MAGI3: variants seen among roughly 807,000 people sequenced by gnomAD.
MAGI3 encodes membrane-associated guanylate kinase, WW and PDZ domain-containing protein 3.
A neutral mutation model predicts 121.8 loss-of-function variants in MAGI3; 43 were observed. The observed-to-expected ratio is 0.35, with a 90% CI of 0.28 to 0.46. The LOEUF (loss-of-function observed/expected upper bound fraction) is 0.46. Ranked by LOEUF, MAGI3 falls within the 20% of genes least tolerant of loss-of-function variation. MAGI3 has a pLI of 1.00. For synonymous variants in MAGI3, 553 were observed against 639.3 expected, an observed-to-expected ratio of 0.86 and a Z score of 2.04; for missense variants, 1,547 against 1,797.3, an observed-to-expected ratio of 0.86 and a Z score of 2.52.
intron 10 of MAGI3, 33 bp downstream of exon 10, chr1:113,642,549 G>A: frequency 6.4e-7 from 1 of 1,573,674 alleles, no homozygotes; most frequent in Non-Finnish European, 8.6e-7. Flanking sequence ...AAAAGTTTCA[G>A]TGTTCAAGCG....
chr1:113,391,192 C>T lies in MAGI3; in HGVS notation c.159C>T (p.Gly53=), dbSNP rs182574963. ...TGGGGCGGCTCCGCGAGGAGCCCGG[C>T]GGGGGCACCTGCTGCGTCGTCTCGG... ...PYLGRLREEP[G]GGTCCVVSGK... The change falls in exon 1 of 21, where the codon GGC becomes GGT. Residue 53 remains glycine, a synonymous_variant. Coordinates refer to ENST00000307546, the MANE Select transcript of MAGI3 (RefSeq NM_001142782.2). This position sits in a 1 kb window ranked among gnomAD's most constrained non-coding sequence, Gnocchi z 4.4. 1,393 of 1,551,400 alleles carry T rather than the reference C, an allele frequency of 9.0e-4. 9 individuals carry two copies. In the African/African-American group the frequency reaches 0.014, roughly 16 times the overall value.
At chr1:113,679,932 C>A (rs542109823) in intron 19 of MAGI3, among the ~76,000 whole-genome samples, 2 of 152,140 alleles carry the variant, frequency 1.3e-5, no homozygotes, top group South Asian at 4.2e-4. Context: ...CTCGAACTCC[C>A]GACCTCAGGT....
At chr1:113,503,588 T>C (rs900048852) in intron 1 of MAGI3, among the ~76,000 whole-genome samples, 4 of 152,082 alleles carry the variant, frequency 2.6e-5, no homozygotes, top group African/African-American at 7.2e-5. Flanking sequence ...TTTCTATAAC[T>C]GTAAGGTCAG....
chr1:113,424,742 T>C (rs1652911232), intron 1 of MAGI3, among the ~76,000 whole-genome samples: 1 of 152,234 alleles, frequency 6.6e-6, no homozygotes, highest in Admixed American at 6.5e-5. Context: ...AGCATTCATA[T>C]AAAGGTTTTA....
intron 1 of MAGI3, among the ~76,000 whole-genome samples, chr1:113,513,823 C>T (rs528918149): frequency 2.0e-5 from 3 of 152,130 alleles, no homozygotes; most frequent in African/African-American, 4.8e-5. Flanking sequence ...AAAGAAACTA[C>T]CATCAGAGTG....
chr1:113,649,508 A>G (rs1653038879), intron 13 of MAGI3, among the ~76,000 whole-genome samples, 180 bp downstream of exon 13: 1 of 152,160 alleles, frequency 6.6e-6, no homozygotes, highest in Non-Finnish European at 1.5e-5. Context: ...GAGGCTAAAA[A>G]CTGTGGGTAA....
chr1:113,449,014 A>G (rs1032180477), intron 1 of MAGI3, among the ~76,000 whole-genome samples: 1 of 151,674 alleles, frequency 6.6e-6, no homozygotes, highest in African/African-American at 2.4e-5. Context: ...GCTACCTGAG[A>G]GGCTGAGGCA....
At chr1:113,595,595 A>G (rs1253297175) in intron 6 of MAGI3, among the ~76,000 whole-genome samples, 1 of 152,338 alleles carries the variant, frequency 6.6e-6, no homozygotes. Flanking sequence ...AGAGTTTTCT[A>G]GGAAGAAGCA....
intron 3 of MAGI3, among the ~76,000 whole-genome samples, chr1:113,583,463 A>G (rs193193057): frequency 1.3e-5 from 2 of 152,102 alleles, no homozygotes; most frequent in African/African-American, 4.8e-5. Context: ...CCCTTAGAAA[A>G]AGGTTAAATT....
chr1:113,452,299 T>C (rs888096706), intron 1 of MAGI3, among the ~76,000 whole-genome samples: 2 of 152,242 alleles, frequency 1.3e-5, no homozygotes, highest in Non-Finnish European at 2.9e-5. Flanking sequence ...GGAGTTTTGA[T>C]CCGAAAGCTG....
At chr1:113,624,271 A>G (rs564553024) in intron 9 of MAGI3, among the ~76,000 whole-genome samples, 2 of 152,278 alleles carry the variant, frequency 1.3e-5, no homozygotes, top group Non-Finnish European at 2.9e-5. Context: ...TAGTGTTTTG[A>G]GAATCCTCCA....
chr1:113,474,857 C>G (rs1655731275), intron 1 of MAGI3, among the ~76,000 whole-genome samples: 1 of 152,190 alleles, frequency 6.6e-6, no homozygotes, highest in Non-Finnish European at 1.5e-5. Flanking sequence ...AATATGGATT[C>G]TTCCTATCTA....
Position 113,526,813 on chromosome 1 carries a change from G to T in MAGI3, c.317-22702G>T, listed in dbSNP as rs185919684. On this transcript the variant is annotated intron_variant, in intron 1 of 20. Transcript: ENST00000307546. The stretch of plus-strand genomic sequence containing the variant: ...AACTGAATGAGTTTGAGAAATATTT[G>T]GGAGATGGTATCAACAGTATTTGGT... 2.1e-3 allele frequency among the ~76,000 whole-genome samples: 314 copies of T among 152,206 alleles called. 4 individuals are homozygous for T. Among genetic ancestry groups the T allele is most frequent in the African/African-American group, 7.3e-3 (305 of 41,522 alleles).
At chr1:113,587,630 CA>C (rs1648456632) in intron 4 of MAGI3, among the ~76,000 whole-genome samples, 1 of 152,034 alleles carries the variant, frequency 6.6e-6, no homozygotes, top group South Asian at 2.1e-4. Flanking sequence ...AGAAATAACC[CA>C]AAAGAAAGTT....
chr1:113,599,625 C>T (rs1342722376), intron 6 of MAGI3, among the ~76,000 whole-genome samples: 1 of 151,052 alleles, frequency 6.6e-6, no homozygotes, highest in African/African-American at 2.4e-5. Context: ...GATTCACAGC[C>T]GAATTCTACC....
chr1:113,651,987 G>T (rs753675589), intron 14 of MAGI3, among the ~76,000 whole-genome samples: 1 of 152,080 alleles, frequency 6.6e-6, no homozygotes, highest in Non-Finnish European at 1.5e-5. Flanking sequence ...TAGATGCATG[G>T]ATTATTTTAT....
At chr1:113,654,532 T>C (rs1410267012) in intron 15 of MAGI3, among the ~76,000 whole-genome samples, 6 of 152,174 alleles carry the variant, frequency 3.9e-5, no homozygotes, top group Non-Finnish European at 7.4e-5. Context: ...GGCATACCTT[T>C]TATAAATGTT....
chr1:113,681,388 C>A (rs1214366758), intron 20 of MAGI3, 52 bp downstream of exon 20: 5 of 1,564,640 alleles, frequency 3.2e-6, no homozygotes, highest in African/African-American at 1.4e-5. Flanking sequence ...AGGGAGGGGA[C>A]AGAAGAAAAA....
At chr1:113,505,908 C>A (rs1657306340) in intron 1 of MAGI3, among the ~76,000 whole-genome samples, 1 of 152,126 alleles carries the variant, frequency 6.6e-6, no homozygotes, top group African/African-American at 2.4e-5. Flanking sequence ...AGGGCGTTGT[C>A]ACCCTTGTAA....
Sources: allele counts gnomAD v4.1 joint callset (sites outside exome capture counted in the v4.1 genomes callset), GRCh38; gene constraint gnomAD v4.1.1; non-coding constraint Gnocchi (gnomAD v3.1); transcripts MANE v1.5; gene names NCBI Gene and HGNC (gene_info 2026-07-23, HGNC 2026-07-21).